The following CRX variants were observed in gnomAD, a reference collection of about 807,000 sequenced individuals.
CRX encodes the protein cone-rod homeobox protein.
In CRX, 5 loss-of-function variants were observed where a neutral mutation model predicts 13.1. That is an observed-to-expected ratio of 0.38 (90% confidence interval 0.20 to 0.80). The LOEUF (loss-of-function observed/expected upper bound fraction) is 0.80, where lower values mean the gene tolerates loss of function less well. Ranked by LOEUF, CRX falls within the 30% of genes least tolerant of loss-of-function variation. The probability of loss-of-function intolerance (pLI) is 0.43; values close to 1 mark genes in which losing one functional copy is unlikely to be tolerated. For missense variants in CRX, 351 were observed against 391.8 expected, an observed-to-expected ratio of 0.90 and a Z score of 0.88; for synonymous variants, 179 against 171.1, an observed-to-expected ratio of 1.05 and a Z score of -0.36.
intron 1 of CRX, among the ~76,000 whole-genome samples, chr19:47,829,827 G>A (rs892037936): frequency 1.1e-4 from 17 of 150,102 alleles, no homozygotes; most frequent in African/African-American, 3.9e-4. Context: ...TGGAGACAGC[G>A]TTTTGCCATG....
chr19:47,839,426 A>T lies in CRX; in HGVS notation c.359A>T (p.Lys120Met). Residue 120 changes from lysine (K) to methionine (M), a missense_variant, in exon 4 of 4, where the codon AAG becomes ATG. By Grantham distance (95) the Lys-to-Met change is moderately conservative. Around this residue, in one of 3 missense-constraint regions of CRX, gnomAD observed 253 missense variants for 268.3 expected, o/e 0.94. Transcript: ENST00000221996. This position sits in a 1 kb window ranked among gnomAD's most constrained non-coding sequence, Gnocchi z 4.6. ...GQAKARPAKR[K>M]AGTSPRPSTD... ...GCCAAGGCCCGGCCTGCCAAGAGGA[A>T]GGCGGGCACGTCCCCAAGACCCTCC... 1 of 1,613,842 alleles carries T rather than the reference A, an allele frequency of 6.2e-7. No homozygotes were observed. Among genetic ancestry groups the T allele is most frequent in the Non-Finnish European group, 8.5e-7 (1 of 1,179,842 alleles).
chr19:47,833,336 C>T (rs1016977879), intron 1 of CRX, among the ~76,000 whole-genome samples: 53 of 151,270 alleles, frequency 3.5e-4, no homozygotes, highest in Non-Finnish European at 6.6e-4. Context: ...GGCTGGAGTG[C>T]GGTGGTGCGA....
At chr19:47,824,990 A>ATTTTT (rs11374819) in intron 1 of CRX, among the ~76,000 whole-genome samples, 24,104 of 99,568 alleles carry the variant, frequency 0.24, 2,489 homozygotes, top group Non-Finnish European at 0.31. Context: ...CGATTGATTG[A>ATTTTT]TTTTTTTTTT....
Position 47,839,684 on chromosome 19 carries a change from C to A in CRX, c.617C>A (p.Ser206Tyr). 1.2e-6 allele frequency: 2 copies of A among 1,613,948 alleles called. No homozygotes were observed. The highest frequency in any genetic ancestry group is 1.7e-6 in the Non-Finnish European group (2 of 1,180,020). The change falls in exon 4 of 4, where the codon TCC becomes TAC. Residue 206 changes from serine (S) to tyrosine (Y), a missense_variant. By Grantham distance (144) the Ser-to-Tyr change is moderately radical (BLOSUM62 -2). Coordinates refer to ENST00000221996, the MANE Select transcript of CRX (RefSeq NM_000554.6). This position sits in a 1 kb window ranked among gnomAD's most constrained non-coding sequence, Gnocchi z 4.6. ...GCCTCCGCTTTCTGCTCTTCCCCCT[C>A]CGCCTATGGGTCTCCGAGCTCCTAT... Reference protein sequence around the residue: ...APASAFCSSPSAYGSPSSYFS... With the variant: ...APASAFCSSPYAYGSPSSYFS...
chr19:47,835,013 G>A (rs1664779499), intron 2 of CRX, among the ~76,000 whole-genome samples: 1 of 147,680 alleles, frequency 6.8e-6, no homozygotes, highest in South Asian at 2.1e-4. Context: ...TTTTATTTTT[G>A]AGACAGGGTC....
chr19:47,835,226 T>C (rs1420518139), intron 2 of CRX, among the ~76,000 whole-genome samples: 1 of 112,378 alleles, frequency 8.9e-6, no homozygotes, highest in Non-Finnish European at 1.9e-5. Flanking sequence ...AAATTATTAT[T>C]ATTTTTTTTT....
In CRX at chr19:47,839,443, A is replaced by G; in HGVS notation, c.376A>G (p.Arg126Gly). ...CAAGAGGAAGGCGGGCACGTCCCCA[A>G]GACCCTCCACAGATGTGTGTCCAGA... The part of the protein sequence containing the change: ...PAKRKAGTSP[R>G]PSTDVCPDPL... The change falls in exon 4 of 4, where the codon AGA (arginine) becomes GGA (glycine). Residue 126 changes from arginine (R) to glycine (G), a missense_variant. Arg to Gly is a moderately radical substitution (Grantham distance 125). Around this residue, in one of 3 missense-constraint regions of CRX, gnomAD observed 253 missense variants for 268.3 expected, o/e 0.94. Transcript: ENST00000221996. This position sits in a 1 kb window ranked among gnomAD's most constrained non-coding sequence, Gnocchi z 4.6. 6.2e-7 allele frequency: 1 copy of G among 1,613,968 alleles called. No individual in the cohort carries two copies. The highest frequency in any genetic ancestry group is 8.5e-7 in the Non-Finnish European group (1 of 1,179,918).
At chr19:47,822,088 C>G (rs531452233) in intron 1 of CRX, 78 bp downstream of exon 1, 1 of 152,652 alleles carries the variant, frequency 6.6e-6, no homozygotes, top group Non-Finnish European at 1.5e-5. Context: ...TTATCTTATT[C>G]GTGGCTGTGT....
intron 3 of CRX, among the ~76,000 whole-genome samples, chr19:47,837,169 G>A (rs566422773): frequency 2.0e-5 from 3 of 152,218 alleles, no homozygotes; most frequent in East Asian, 3.9e-4. Context: ...GGATGGATGG[G>A]TATATTTATT....
intron 3 of CRX, among the ~76,000 whole-genome samples, chr19:47,837,794 T>C (rs1968136238): frequency 6.6e-6 from 1 of 152,070 alleles, no homozygotes; most frequent in Admixed American, 6.5e-5. Context: ...TGTGTACAAT[T>C]GTATGTATCA....
chr19:47,828,043 A>G (rs1967997588), intron 1 of CRX, among the ~76,000 whole-genome samples: 1 of 151,386 alleles, frequency 6.6e-6, no homozygotes, highest in Non-Finnish European at 1.5e-5. Context: ...AGTCTCAGCT[A>G]CTTGGGAGGC....
At chr19:47,826,239 T>C (rs559964412) in intron 1 of CRX, among the ~76,000 whole-genome samples, 1 of 152,302 alleles carries the variant, frequency 6.6e-6, no homozygotes, top group East Asian at 1.9e-4. Flanking sequence ...CTTGAAATCC[T>C]GGATTCTCCA....
At position 47,839,956 on chromosome 19, in the gene CRX, C is replaced by G. The variant is rs760493282; in HGVS notation, c.889C>G (p.Gln297Glu). The change falls in exon 4 of 4, where the codon CAG becomes GAG. Residue 297 changes from glutamine (Q) to glutamate (E), a missense_variant. Coordinates refer to ENST00000221996, the MANE Select transcript of CRX (RefSeq NM_000554.6). This position sits in a 1 kb window ranked among gnomAD's most constrained non-coding sequence, Gnocchi z 4.6. ...CAAGGATCAGAGTGCCTGGAAGTTT[C>G]AGATCTTGTAGAGGACGCAGTCTCC... The part of the protein sequence containing the change: ...DYKDQSAWKF[Q>E]IL The G allele has an allele frequency of 2.5e-6, 4 of 1,613,576 alleles. No individual in the cohort carries two copies. The highest frequency in any genetic ancestry group is 3.4e-6 in the Non-Finnish European group (4 of 1,179,968).
chr19:47,834,345 C>G lies in CRX; in HGVS notation c.-35-64C>G, dbSNP rs1056266334. ...GAAGGAGGCAGGATTTGAATCGCAG[C>G]CTGCACGTCACCCCATGGTGAGTAA... On this transcript the variant is annotated intron_variant, in intron 1 of 3. Transcript: ENST00000221996. The G allele has an allele frequency of 4.3e-6, 4 of 930,800 alleles. No individual in the cohort carries two copies. The African/African-American group carries it at 4.9e-5, about 11-fold the overall frequency. 57.7% of individuals were successfully genotyped at this position (930,800 alleles called of 1,614,324 possible).
At position 47,840,044 on chromosome 19, in the gene CRX, C is replaced by T; in HGVS notation, c.*77C>T. ...GAATCTGCTTCCCTGCAGTTTAGAT[C>T]CCGGGATGGCATTCCTGAGAAAGCA... On this transcript the variant is annotated 3_prime_UTR_variant, in exon 4 of 4. Coordinates refer to ENST00000221996, the MANE Select transcript of CRX (RefSeq NM_000554.6). The T allele has an allele frequency of 6.4e-7, 1 of 1,563,202 alleles. No individual in the cohort carries two copies. Among genetic ancestry groups the T allele is most frequent in the South Asian group, 1.1e-5 (1 of 89,318 alleles).
intron 1 of CRX, among the ~76,000 whole-genome samples, chr19:47,824,485 G>A (rs140912225): frequency 9.9e-5 from 15 of 152,278 alleles, no homozygotes; most frequent in African/African-American, 3.4e-4. Flanking sequence ...ACCAGAAGCC[G>A]CCTGGGAGGA....
chr19:47,836,499 C>A (rs1349329875), intron 3 of CRX, 105 bp downstream of exon 3: 8 of 1,462,750 alleles, frequency 5.5e-6, no homozygotes, highest in Admixed American at 1.7e-5. Flanking sequence ...AGAGTGACAG[C>A]CAAAGTTATA....
In CRX at chr19:47,837,117, C is replaced by T. The variant is rs139903485; in HGVS notation, c.252+723C>T. Among the ~76,000 whole-genome samples, 879 of 152,108 alleles carry T rather than the reference C, an allele frequency of 5.8e-3. 8 individuals carry two copies. The highest frequency in any genetic ancestry group is 0.019 in the African/African-American group (792 of 41,466). ...TGTATGCATGCATGATATATGTATACGTGGTGTATGTGCACATGTATGTAT... is the reference window on the plus strand; with the variant it reads ...TGTATGCATGCATGATATATGTATATGTGGTGTATGTGCACATGTATGTAT... On this transcript the variant is annotated intron_variant, in intron 3 of 3. Transcript: ENST00000221996.
chr19:47,836,172 C>T (rs1968114665), intron 2 of CRX, 71 bp from the exon 3 acceptor site: 1 of 1,592,428 alleles, frequency 6.3e-7, no homozygotes, highest in South Asian at 1.1e-5. Flanking sequence ...TCTTGGCATC[C>T]CACCCAGCCT....
Sources: gnomAD v4.1 joint callset for allele counts (sites outside exome capture counted in the v4.1 genomes callset) on GRCh38, gnomAD v4.1.1 for gene constraint, gnomAD v4.1.1 regional missense constraint, Gnocchi (gnomAD v3.1) non-coding constraint, MANE v1.5 for transcripts, NCBI Gene and HGNC (gene_info 2026-07-23, HGNC 2026-07-21) for gene names.